The following MKX variants were observed in gnomAD, a reference collection of about 807,000 sequenced individuals.
The protein encoded by MKX is mohawk homeobox.
A neutral mutation model predicts 36.0 loss-of-function variants in MKX; 13 were observed. The observed-to-expected ratio is 0.36, with a 90% confidence interval of 0.24 to 0.57. MKX has a LOEUF of 0.57. Ranked by LOEUF, MKX falls within the 20% of genes least tolerant of loss-of-function variation. MKX has a pLI of 0.79. For missense variants in MKX, 458 were observed against 456.4 expected (o/e 1.00, Z -0.03); for synonymous variants, 176 against 178.3 (o/e 0.99, Z 0.10).
At chr10:27,731,345 G>C (rs1305659721) in intron 5 of MKX, among the ~76,000 whole-genome samples, 2 of 152,136 alleles carry the variant, frequency 1.3e-5, no homozygotes, top group African/African-American at 4.8e-5. Flanking sequence ...AAAGAATTCA[G>C]AAGAAGGTTA....
chr10:27,686,148 G>A (rs964175742), intron 5 of MKX, among the ~76,000 whole-genome samples: 1 of 152,104 alleles, frequency 6.6e-6, no homozygotes. Flanking sequence ...TTGTGGATCT[G>A]GAGATAGGAG....
At chr10:27,679,516 T>G (rs1836214926) in intron 5 of MKX, among the ~76,000 whole-genome samples, 1 of 152,178 alleles carries the variant, frequency 6.6e-6, no homozygotes, top group East Asian at 1.9e-4. Flanking sequence ...CACTAGGGTA[T>G]TTTGAGTCCA....
chr10:27,733,995 A>C (rs1305527494), intron 5 of MKX, among the ~76,000 whole-genome samples: 1 of 152,158 alleles, frequency 6.6e-6, no homozygotes, highest in African/African-American at 2.4e-5. Context: ...TAGCAATCAA[A>C]GCATTTAACA....
chr10:27,722,040 C>T (rs1834391319), intron 5 of MKX, among the ~76,000 whole-genome samples: 1 of 152,056 alleles, frequency 6.6e-6, no homozygotes, highest in African/African-American at 2.4e-5. Flanking sequence ...AAGTATATAA[C>T]ATGTACTTAA....
intron 5 of MKX, among the ~76,000 whole-genome samples, chr10:27,724,814 C>G (rs1834454746): frequency 6.6e-6 from 1 of 150,854 alleles, no homozygotes; most frequent in African/African-American, 2.4e-5. Context: ...CTTTGGCCAC[C>G]AGTATTAATG....
chr10:27,685,535 G>A (rs1037469521), intron 5 of MKX, among the ~76,000 whole-genome samples: 3 of 146,954 alleles, frequency 2.0e-5, no homozygotes, highest in East Asian at 4.1e-4. Flanking sequence ...TGCAAGCTCC[G>A]CCTCCCGGGT....
intron 5 of MKX, among the ~76,000 whole-genome samples, chr10:27,706,664 G>A (rs145062288): frequency 1.3e-5 from 2 of 152,078 alleles, no homozygotes; most frequent in African/African-American, 4.8e-5. Flanking sequence ...GTAATGCTGA[G>A]CATCTTTTCA....
intron 5 of MKX, among the ~76,000 whole-genome samples, chr10:27,724,989 A>C (rs1470576815): frequency 6.6e-6 from 1 of 152,038 alleles, no homozygotes; most frequent in Non-Finnish European, 1.5e-5. Context: ...ACACACACAT[A>C]CTCCAAGTTC....
At chr10:27,695,533 T>C (rs1167272767) in intron 5 of MKX, among the ~76,000 whole-genome samples, 3 of 152,214 alleles carry the variant, frequency 2.0e-5, no homozygotes, top group Non-Finnish European at 4.4e-5. Flanking sequence ...AAAATCATCC[T>C]ACAAGATAGA....
chr10:27,674,054 C>T lies in MKX; in HGVS notation c.*1175G>A, dbSNP rs1836098167. 2 of 152,166 alleles carry T rather than the reference C, an allele frequency of 1.3e-5. No individual in the cohort carries two copies. The highest frequency in any genetic ancestry group is 2.9e-5 in the Non-Finnish European group (2 of 68,016). 9.4% of individuals were successfully genotyped at this position (152,166 alleles called of 1,614,324 possible). On this transcript the variant is annotated 3_prime_UTR_variant, in exon 7 of 7. Coordinates refer to ENST00000419761, the MANE Select transcript of MKX (RefSeq NM_173576.3). ...TTGTTTAGTTGAGAAAGATAGTCTTCTTTCTTGATATTGATTATTCTCACT... is the reference window on the plus strand; with the variant it reads ...TTGTTTAGTTGAGAAAGATAGTCTTTTTTCTTGATATTGATTATTCTCACT...
chr10:27,697,609 T>C (rs930323618), intron 5 of MKX, among the ~76,000 whole-genome samples: 2 of 152,206 alleles, frequency 1.3e-5, no homozygotes, highest in Non-Finnish European at 2.9e-5. Context: ...TCATTTCAAG[T>C]GTAACAGAAT....
chr10:27,676,796 A>T (rs1270657895), intron 5 of MKX, among the ~76,000 whole-genome samples: 1 of 152,198 alleles, frequency 6.6e-6, no homozygotes, highest in African/African-American at 2.4e-5. Flanking sequence ...TTATTAGAAG[A>T]AGCAGGCATT....
intron 5 of MKX, among the ~76,000 whole-genome samples, chr10:27,719,354 C>T (rs1403335375): frequency 6.6e-6 from 1 of 152,038 alleles, no homozygotes; most frequent in Non-Finnish European, 1.5e-5. Flanking sequence ...AAGTAGCCTA[C>T]CAGGGGAATC....
intron 5 of MKX, among the ~76,000 whole-genome samples, chr10:27,680,493 G>A (rs1836236559): frequency 6.6e-6 from 1 of 151,986 alleles, no homozygotes; most frequent in Non-Finnish European, 1.5e-5. Flanking sequence ...GTTAAGTAGA[G>A]AAAAAATTAT....
intron 5 of MKX, among the ~76,000 whole-genome samples, chr10:27,681,466 A>C (rs1038896271): frequency 2.0e-5 from 3 of 151,814 alleles, no homozygotes; most frequent in African/African-American, 7.3e-5. Flanking sequence ...CAAACAAACA[A>C]ACAAACACAC....
At chr10:27,734,819 G>C in intron 4 of MKX, 28 bp from the exon 5 acceptor site, 2 of 1,532,354 alleles carry the variant, frequency 1.3e-6, no homozygotes, top group Non-Finnish European at 1.8e-6. Flanking sequence ...CACTAAGTAG[G>C]GTGGTATGCA....
chr10:27,683,598 G>C (rs549762178), intron 5 of MKX, among the ~76,000 whole-genome samples: 29 of 152,350 alleles, frequency 1.9e-4, no homozygotes, highest in South Asian at 1.4e-3. Flanking sequence ...GCAAGTCAGA[G>C]CTCCAGATGC....
intron 5 of MKX, among the ~76,000 whole-genome samples, chr10:27,710,520 TG>T (rs1836832646): frequency 6.6e-6 from 1 of 152,170 alleles, no homozygotes; most frequent in East Asian, 1.9e-4. Flanking sequence ...ACTCCTCCTC[TG>T]GGGGCAGCAT....
chr10:27,677,250 C>T (rs1316219109), intron 5 of MKX, among the ~76,000 whole-genome samples: 5 of 152,334 alleles, frequency 3.3e-5, no homozygotes, highest in Admixed American at 6.5e-5. Flanking sequence ...GCTAGTTCTA[C>T]GGCCTTTGCA....
Sources: gnomAD v4.1 joint callset for allele counts (sites outside exome capture counted in the v4.1 genomes callset) on GRCh38, gnomAD v4.1.1 for gene constraint, MANE v1.5 for transcripts, NCBI Gene and HGNC (gene_info 2026-07-23, HGNC 2026-07-21) for gene names.